The following DIP2B variants were observed in gnomAD, a reference collection of about 807,000 sequenced individuals.
DIP2B encodes the protein DIP2 acetate--CoA ligase B (putative), also known as disco-interacting protein 2 homolog B.
A neutral mutation model predicts 198.0 loss-of-function variants in DIP2B; 76 were observed. The ratio of observed to expected loss-of-function variants is 0.38; its 90% CI spans 0.32 to 0.46. DIP2B has a LOEUF of 0.46. Ranked by LOEUF, DIP2B falls within the 20% of genes least tolerant of loss-of-function variation. DIP2B has a pLI of 0.99. For synonymous variants in DIP2B, 701 were observed against 739.1 expected, an observed-to-expected ratio of 0.95 and a Z score of 0.84; for missense variants, 1,559 against 1,978.4, an observed-to-expected ratio of 0.79 and a Z score of 4.02.
intron 1 of DIP2B, among the ~76,000 whole-genome samples, chr12:50,592,725 C>T (rs1010984742): frequency 6.6e-6 from 1 of 151,914 alleles, no homozygotes; most frequent in Non-Finnish European, 1.5e-5. Context: ...ATCTGCCCGC[C>T]TCGGCCTCCT....
intron 1 of DIP2B, among the ~76,000 whole-genome samples, chr12:50,615,724 CTCA>C (rs1456626473): frequency 3.9e-5 from 6 of 152,160 alleles, no homozygotes; most frequent in Admixed American, 2.0e-4. Context: ...TCATTGAAGA[CTCA>C]TCATAAACAC....
At chr12:50,548,565 G>T (rs1958397004) in intron 1 of DIP2B, among the ~76,000 whole-genome samples, 1 of 151,780 alleles carries the variant, frequency 6.6e-6, no homozygotes, top group Non-Finnish European at 1.5e-5. Context: ...TTGCTCTGTT[G>T]CCCAGGCTGG....
chr12:50,742,329 T>C (rs138601566), intron 37 of DIP2B, among the ~76,000 whole-genome samples: 25 of 132,744 alleles, frequency 1.9e-4, no homozygotes, highest in Non-Finnish European at 4.6e-5. Context: ...CCTGGGAGGT[T>C]GAGGCTACAG....
chr12:50,648,541 T>G (rs1938391398), intron 3 of DIP2B, among the ~76,000 whole-genome samples: 1 of 152,062 alleles, frequency 6.6e-6, no homozygotes, highest in Admixed American at 6.5e-5. Flanking sequence ...TTTTTTGTAT[T>G]TTTAGTAGAG....
chr12:50,516,239 CTCTCTCTATCTCTA>C (rs1333349709), intron 1 of DIP2B, among the ~76,000 whole-genome samples: 1 of 149,150 alleles, frequency 6.7e-6, no homozygotes, highest in African/African-American at 2.5e-5. Flanking sequence ...CTCTCTCTCT[CTCTCTCTATCTCTA>C]TCTCTATCTC....
At chr12:50,566,091 G>A (rs1565826678) in intron 1 of DIP2B, among the ~76,000 whole-genome samples, 1 of 152,064 alleles carries the variant, frequency 6.6e-6, no homozygotes, top group Non-Finnish European at 1.5e-5. Context: ...CACTCAGGCT[G>A]GAGTGCAGTG....
In DIP2B at chr12:50,714,460, A is replaced by G; in HGVS notation, c.2715A>G (p.Pro905=). The G allele has an allele frequency of 6.2e-7, 1 of 1,614,222 alleles. No individual in the cohort carries two copies. The change falls in exon 23 of 38, where the codon CCA becomes CCG. Residue 905 remains proline (P), a synonymous_variant. Transcript: ENST00000301180. ...CLALVPANTL[P]KTPLGGIHIS... ...CTCTGGTGCCAGCCAATACATTGCC[A>G]AAAACTCCACTAGGAGGAATCCATA...
At chr12:50,529,190 G>A (rs1958193694) in intron 1 of DIP2B, among the ~76,000 whole-genome samples, 1 of 152,130 alleles carries the variant, frequency 6.6e-6, no homozygotes, top group Non-Finnish European at 1.5e-5. Flanking sequence ...TACTCAGGAG[G>A]CTGAGGTGGG....
rs183208336 is a variant in DIP2B, at chr12:50,684,558, G to A, written c.1318-1275G>A. Among the ~76,000 whole-genome samples the A allele has an allele frequency of 2.0e-3, 299 of 152,298 alleles. 1 individual carries two copies. The highest frequency in any genetic ancestry group is 6.7e-3 in the African/African-American group (278 of 41,552). On this transcript the variant is annotated intron_variant, in intron 10 of 37. Coordinates refer to ENST00000301180, the MANE Select transcript of DIP2B (RefSeq NM_173602.3). ...TGTAATCCCAGCACTTTGGGAGGCC[G>A]AGGTGGGTGGATCACCTGAGGTCAG...
intron 4 of DIP2B, among the ~76,000 whole-genome samples, chr12:50,667,712 A>G (rs1453578239): frequency 6.6e-6 from 1 of 152,220 alleles, no homozygotes; most frequent in South Asian, 2.1e-4. Flanking sequence ...AGTTTCTGCT[A>G]TCTTTCCCTT....
At chr12:50,550,115 G>A (rs1452998910) in intron 1 of DIP2B, among the ~76,000 whole-genome samples, 1 of 152,178 alleles carries the variant, frequency 6.6e-6, no homozygotes, top group African/African-American at 2.4e-5. Flanking sequence ...CTTGTCCAGT[G>A]AAGGAAAATG....
intron 1 of DIP2B, among the ~76,000 whole-genome samples, chr12:50,605,842 A>G (rs1958976581): frequency 6.6e-6 from 1 of 151,096 alleles, no homozygotes; most frequent in Non-Finnish European, 1.5e-5. Context: ...TTTTTTTTAG[A>G]TGGAGTTTCA....
In DIP2B at chr12:50,699,001, A is replaced by G. The variant is rs937620737; in HGVS notation, c.2189-65A>G. The G allele has an allele frequency of 3.5e-5, 56 of 1,579,004 alleles. No homozygotes were observed. The Admixed American group carries it at 1.0e-3, about 28-fold the overall frequency. On this transcript the variant is annotated intron_variant, in intron 18 of 37. Transcript: ENST00000301180. Reference sequence around the variant, plus strand: ...AGGACTTTCTTGGGTTCACAGGATGAAGCTGTTATTTTACAAAAGTTTTCT... The same window carrying G: ...AGGACTTTCTTGGGTTCACAGGATGGAGCTGTTATTTTACAAAAGTTTTCT...
intron 1 of DIP2B, among the ~76,000 whole-genome samples, chr12:50,588,029 G>A (rs964495498): frequency 2.0e-5 from 3 of 152,182 alleles, no homozygotes; most frequent in Admixed American, 6.5e-5. Context: ...ACCAATGGGT[G>A]AAAGCAAAGC....
At chr12:50,716,802 T>G (rs1043076555) in intron 23 of DIP2B, among the ~76,000 whole-genome samples, 1 of 152,088 alleles carries the variant, frequency 6.6e-6, no homozygotes, top group African/African-American at 2.4e-5. Context: ...CTTAGTTCCG[T>G]GAGGCGGATG....
At chr12:50,560,407 AAAG>A (rs1958509206) in intron 1 of DIP2B, among the ~76,000 whole-genome samples, 1 of 151,058 alleles carries the variant, frequency 6.6e-6, no homozygotes, top group Non-Finnish European at 1.5e-5. Flanking sequence ...AAAAAAAAAA[AAAG>A]CAAAAAACTT....
chr12:50,640,431 A>G (rs1040546056), intron 2 of DIP2B, among the ~76,000 whole-genome samples: 2 of 151,614 alleles, frequency 1.3e-5, no homozygotes, highest in African/African-American at 4.9e-5. Context: ...TATGCAGTCA[A>G]CTCCCCATCA....
In DIP2B at chr12:50,671,190, A is replaced by G; in HGVS notation, c.432A>G (p.Thr144=). The change falls in exon 5 of 38, where the codon ACA becomes ACG. Residue 144 remains threonine, a synonymous_variant. Coordinates refer to ENST00000301180, the MANE Select transcript of DIP2B (RefSeq NM_173602.3). ...SPADACTPPD[T]SSASEDEGSL... ...TTTTTTTCTAATTCCACACAGACAC[A>G]TCTTCGGCCTCTGAGGATGAGGGCT... 1 of 1,614,098 alleles carries G rather than the reference A, an allele frequency of 6.2e-7. No individual in the cohort carries two copies. The highest frequency in any genetic ancestry group is 1.1e-5 in the South Asian group (1 of 91,080).
chr12:50,526,280 A>G (rs1958164110), intron 1 of DIP2B, among the ~76,000 whole-genome samples: 2 of 152,338 alleles, frequency 1.3e-5, no homozygotes, highest in South Asian at 4.1e-4. Flanking sequence ...GAAGCTGGTG[A>G]GAGCTGCCCC....
Sources: allele counts gnomAD v4.1 joint callset (sites outside exome capture counted in the v4.1 genomes callset), GRCh38; gene constraint gnomAD v4.1.1; transcripts MANE v1.5; gene names NCBI Gene and HGNC (gene_info 2026-07-23, HGNC 2026-07-21).